SORCS1: variants seen among roughly 807,000 people sequenced by gnomAD.
The protein encoded by SORCS1 is VPS10 domain-containing receptor SorCS1.
SORCS1 carries 60 observed loss-of-function variants against 146.1 expected under a neutral mutation model. That is an observed-to-expected ratio of 0.41 (90% CI 0.33 to 0.51). The LOEUF is 0.51. SORCS1 is among the 20% of genes least tolerant of loss of function. The pLI is 0.21. For missense variants in SORCS1, 1,352 were observed against 1,487.6 expected, an observed-to-expected ratio of 0.91 and a Z score of 1.50; for synonymous variants, 637 against 584.0, an observed-to-expected ratio of 1.09 and a Z score of -1.31.
At chr10:106,994,767 T>G (rs570016579) in intron 1 of SORCS1, among the ~76,000 whole-genome samples, 1 of 152,300 alleles carries the variant, frequency 6.6e-6, no homozygotes, top group African/African-American at 2.4e-5. Flanking sequence ...TGGTGCTGAA[T>G]ATTTTTGAAG....
intron 21 of SORCS1, among the ~76,000 whole-genome samples, chr10:106,616,597 G>C (rs940901683): frequency 6.6e-6 from 1 of 152,160 alleles, no homozygotes; most frequent in East Asian, 1.9e-4. Context: ...TGGCCACCTC[G>C]TACCTTGCTA....
At chr10:106,582,912 C>T (rs1564742975) in intron 24 of SORCS1, among the ~76,000 whole-genome samples, 1 of 152,120 alleles carries the variant, frequency 6.6e-6, no homozygotes, top group African/African-American at 2.4e-5. Context: ...AAAGTGATTG[C>T]CACGTAGTAA....
chr10:107,137,858 G>A (rs1445209126), intron 1 of SORCS1, among the ~76,000 whole-genome samples: 3 of 132,300 alleles, frequency 2.3e-5, no homozygotes, highest in Non-Finnish European at 3.1e-5. Context: ...GCGAAACTCC[G>A]TCTCAAAAAA....
intron 3 of SORCS1, among the ~76,000 whole-genome samples, chr10:106,812,830 C>T (rs544383377): frequency 2.0e-5 from 3 of 152,184 alleles, no homozygotes; most frequent in African/African-American, 4.8e-5. Flanking sequence ...AAGCAAGTAC[C>T]TACAGATTTA....
rs375038338 is a variant in SORCS1 at position 106,577,371 on chromosome 10, G to A, written c.*49C>T. The A allele has an allele frequency of 8.1e-6, 13 of 1,612,826 alleles. No individual in the cohort carries two copies. Among genetic ancestry groups the A allele is most frequent in the East Asian group, 2.2e-5 (1 of 44,866 alleles). Reference sequence around the variant, plus strand: ...GAAGGATGATGTACTTGACAAGAGCGAAATTCTTTCCTGATCAGCAGGTCG... The same window carrying A: ...GAAGGATGATGTACTTGACAAGAGCAAAATTCTTTCCTGATCAGCAGGTCG... On this transcript the variant is annotated 3_prime_UTR_variant, in exon 26 of 26. Coordinates refer to ENST00000263054, the MANE Select transcript of SORCS1 (RefSeq NM_052918.5).
At chr10:106,881,306 G>A (rs982242936) in intron 2 of SORCS1, among the ~76,000 whole-genome samples, 1 of 152,100 alleles carries the variant, frequency 6.6e-6, no homozygotes, top group African/African-American at 2.4e-5. Flanking sequence ...GAACAGCAGT[G>A]CCTAATCCTT....
At chr10:106,585,989 G>A (rs1390006999) in intron 24 of SORCS1, among the ~76,000 whole-genome samples, 1 of 152,202 alleles carries the variant, frequency 6.6e-6, no homozygotes, top group Non-Finnish European at 1.5e-5. Flanking sequence ...ACAAGTGAAT[G>A]TAGATAAGAC....
At chr10:106,614,290 T>C (rs1847204035) in intron 21 of SORCS1, among the ~76,000 whole-genome samples, 2 of 152,242 alleles carry the variant, frequency 1.3e-5, no homozygotes, top group South Asian at 4.1e-4. Flanking sequence ...TTTTGTTTCA[T>C]TAGGGTCCAA....
intron 5 of SORCS1, among the ~76,000 whole-genome samples, chr10:106,730,657 C>T (rs942126484): frequency 6.6e-6 from 1 of 152,180 alleles, no homozygotes; most frequent in Non-Finnish European, 1.5e-5. Flanking sequence ...ATGCACCTCA[C>T]TTTCTGATAC....
chr10:106,599,258 T>C (rs1388199374), intron 23 of SORCS1, among the ~76,000 whole-genome samples: 2 of 152,072 alleles, frequency 1.3e-5, no homozygotes, highest in East Asian at 1.9e-4. Flanking sequence ...TCCCAGTTAC[T>C]TGGGAGGCTG....
chr10:107,148,454 T>C (rs61867255), intron 1 of SORCS1, among the ~76,000 whole-genome samples: 1,812 of 152,330 alleles, frequency 0.012, 22 homozygotes, highest in Middle Eastern at 0.068. Flanking sequence ...TACCATTCTT[T>C]AGATTTTCCA....
At chr10:106,719,598 A>G (rs1297143383) in intron 6 of SORCS1, among the ~76,000 whole-genome samples, 1 of 151,986 alleles carries the variant, frequency 6.6e-6, no homozygotes, top group East Asian at 1.9e-4. Context: ...TTTTTAGTAG[A>G]GACGGGGTTT....
chr10:107,126,459 G>C (rs942410986), intron 1 of SORCS1, among the ~76,000 whole-genome samples: 1 of 152,130 alleles, frequency 6.6e-6, no homozygotes, highest in African/African-American at 2.4e-5. Flanking sequence ...CTTACGTTTA[G>C]ATTGTAGTCA....
At chr10:106,734,848 C>A (rs1293557840) in intron 5 of SORCS1, among the ~76,000 whole-genome samples, 1 of 151,896 alleles carries the variant, frequency 6.6e-6, no homozygotes, top group Non-Finnish European at 1.5e-5. Flanking sequence ...AATATTAATA[C>A]CTAAGAAATT....
intron 5 of SORCS1, among the ~76,000 whole-genome samples, chr10:106,736,962 C>T (rs2756244): frequency 0.77 from 117,681 of 151,896 alleles, 46,624 homozygotes; most frequent in Non-Finnish European, 0.87. Flanking sequence ...TGAGGCCCTC[C>T]ACGTGCTGCA....
chr10:106,667,809 G>C lies in SORCS1; in HGVS notation c.2190-7C>G, dbSNP rs1413490521. On this transcript the variant is annotated splice_polypyrimidine_tract_variant and splice_region_variant and intron_variant, in intron 16 of 25. Transcript: ENST00000263054. ...TCGCTCATAACCATAGTCGCTGTTA[G>C]GAAAGAGCCGAGAAAAACCTTTCAC... 1.2e-6 allele frequency: 2 copies of C among 1,611,344 alleles called. No individual in the cohort carries two copies. The highest frequency in any genetic ancestry group is 3.3e-5 in the Admixed American group (2 of 59,814).
chr10:106,989,130 C>CGTG (rs1956623952), intron 1 of SORCS1, among the ~76,000 whole-genome samples: 1 of 150,568 alleles, frequency 6.6e-6, no homozygotes, highest in South Asian at 2.1e-4. Context: ...ATTAGCTGGT[C>CGTG]GTGGTGGTGG....
chr10:106,768,020 G>A (rs1289337307), intron 4 of SORCS1, among the ~76,000 whole-genome samples: 1 of 151,918 alleles, frequency 6.6e-6, no homozygotes, highest in Non-Finnish European at 1.5e-5. Context: ...AAATCAAACT[G>A]TTCCAGGTAG....
chr10:107,028,299 C>A (rs1958495213), intron 1 of SORCS1, among the ~76,000 whole-genome samples: 1 of 152,182 alleles, frequency 6.6e-6, no homozygotes, highest in African/African-American at 2.4e-5. Context: ...ATTCCCCATC[C>A]TTTTCCTCTT....
Sources: gnomAD v4.1 joint callset for allele counts (sites outside exome capture counted in the v4.1 genomes callset) on GRCh38, gnomAD v4.1.1 for gene constraint, MANE v1.5 for transcripts, NCBI Gene and HGNC (gene_info 2026-07-23, HGNC 2026-07-21) for gene names.